The following MYT1L variants were observed in gnomAD, a reference collection of about 807,000 sequenced individuals.
MYT1L encodes the protein myelin transcription factor 1-like protein.
In MYT1L, 12 loss-of-function variants were observed where a neutral mutation model predicts 126.7. That is an observed-to-expected ratio of 0.09 (90% CI 0.06 to 0.15). MYT1L has a LOEUF of 0.15. Among genes scored for constraint, MYT1L ranks in the 10% least tolerant of loss-of-function variants. The pLI is 1.00. For missense variants in MYT1L, 979 were observed against 1,585.2 expected, an observed-to-expected ratio of 0.62 and a Z score of 6.49; for synonymous variants, 541 against 604.2, an observed-to-expected ratio of 0.90 and a Z score of 1.53.
At chr2:2,178,514 G>C (rs115226504) in intron 2 of MYT1L, among the ~76,000 whole-genome samples, 5,696 of 152,326 alleles carry the variant, frequency 0.037, 154 homozygotes, top group Middle Eastern at 0.1. Context: ...TGCCGTGTCA[G>C]AACACAGAAG....
At chr2:2,300,743 G>A (rs1403934863) in intron 1 of MYT1L, among the ~76,000 whole-genome samples, 8 of 152,262 alleles carry the variant, frequency 5.3e-5, no homozygotes, top group Admixed American at 2.6e-4. Flanking sequence ...GATTCTTAGC[G>A]GATTCATAGA....
chr2:2,087,788 A>G (rs2076500771), intron 3 of MYT1L, among the ~76,000 whole-genome samples: 2 of 152,236 alleles, frequency 1.3e-5, no homozygotes, highest in African/African-American at 4.8e-5. Context: ...GTCAAAAGAA[A>G]AAGGAAACAA....
intron 3 of MYT1L, among the ~76,000 whole-genome samples, chr2:2,170,850 G>T (rs2089943897): frequency 6.6e-6 from 1 of 152,204 alleles, no homozygotes; most frequent in South Asian, 2.1e-4. Flanking sequence ...TGACCTTTAT[G>T]CATTGTTACC....
intron 18 of MYT1L, among the ~76,000 whole-genome samples, chr2:1,856,903 CACAG>C (rs2043985311): frequency 6.6e-6 from 1 of 152,084 alleles, no homozygotes; most frequent in Non-Finnish European, 1.5e-5. Flanking sequence ...GAGCCCACAG[CACAG>C]ACATTCATTG....
intron 2 of MYT1L, among the ~76,000 whole-genome samples, chr2:2,283,162 C>T (rs142188891): frequency 1.3e-5 from 2 of 152,284 alleles, no homozygotes; most frequent in Non-Finnish European, 2.9e-5. Context: ...CACAGTTTGA[C>T]CCATGTTAAT....
chr2:1,896,442 C>T (rs775578285), intron 14 of MYT1L, among the ~76,000 whole-genome samples: 3 of 152,134 alleles, frequency 2.0e-5, no homozygotes, highest in Non-Finnish European at 4.4e-5. Flanking sequence ...CCTAGGCGCC[C>T]ATCAGTGGTG....
chr2:2,202,673 A>G (rs1215618505), intron 2 of MYT1L, among the ~76,000 whole-genome samples: 1 of 152,224 alleles, frequency 6.6e-6, no homozygotes, highest in Non-Finnish European at 1.5e-5. Flanking sequence ...ATGGATTCAC[A>G]GCCGAATTCT....
intron 8 of MYT1L, among the ~76,000 whole-genome samples, chr2:1,975,665 A>G (rs2060117264): frequency 1.3e-5 from 2 of 152,176 alleles, no homozygotes; most frequent in Non-Finnish European, 2.9e-5. Flanking sequence ...GGAGTTCGAG[A>G]GCACCCTGGC....
chr2:2,026,259 G>C (rs2065557046), intron 4 of MYT1L, among the ~76,000 whole-genome samples: 1 of 152,200 alleles, frequency 6.6e-6, no homozygotes, highest in Non-Finnish European at 1.5e-5. Flanking sequence ...TGTGTGACAA[G>C]GGTGTGCGGG....
At chr2:1,825,619 A>G (rs2039201175) in intron 21 of MYT1L, 1 of 152,208 alleles carries the variant, frequency 6.6e-6, no homozygotes, top group African/African-American at 2.4e-5. Context: ...CCGCTTTTAA[A>G]AGATCAGGTT....
intron 3 of MYT1L, among the ~76,000 whole-genome samples, chr2:2,058,394 G>A (rs1277159472): frequency 6.6e-6 from 1 of 152,196 alleles, no homozygotes; most frequent in African/African-American, 2.4e-5. Flanking sequence ...TCTTAACAGA[G>A]TGTTTTGTAG....
At position 2,165,900 on chromosome 2, in the gene MYT1L, T is replaced by C. The variant is rs531215969; in HGVS notation, c.-304+6972A>G. Reference sequence around the variant, plus strand: ...AATAAAATCTTTTATTTTTCTACTTTGTAAAAAAATAAAATCTTTTATTTT... The same window carrying C: ...AATAAAATCTTTTATTTTTCTACTTCGTAAAAAAATAAAATCTTTTATTTT... On this transcript the variant is annotated intron_variant, in intron 3 of 24. Transcript: ENST00000647738. Among the ~76,000 whole-genome samples, 162 of 151,404 alleles carry C rather than the reference T, an allele frequency of 1.1e-3. 2 individuals are homozygous for C. In the South Asian group the frequency reaches 0.03, roughly 28 times the overall value.
intron 9 of MYT1L, among the ~76,000 whole-genome samples, chr2:1,941,611 A>G (rs1171481178): frequency 6.6e-6 from 1 of 152,170 alleles, no homozygotes; most frequent in Admixed American, 6.6e-5. Context: ...TCTACCCAGC[A>G]TTCTACCATA....
intron 18 of MYT1L, among the ~76,000 whole-genome samples, chr2:1,860,272 G>A (rs2044417585): frequency 6.6e-6 from 1 of 152,144 alleles, no homozygotes; most frequent in Non-Finnish European, 1.5e-5. Flanking sequence ...GGCTGGGGCC[G>A]CCGGAGCCAG....
At chr2:1,988,165 T>C (rs563842013) in intron 5 of MYT1L, among the ~76,000 whole-genome samples, 5 of 151,992 alleles carry the variant, frequency 3.3e-5, no homozygotes, top group Admixed American at 6.5e-5. Context: ...ATTCCCACCC[T>C]CCCGCCAGCC....
chr2:1,997,973 C>T (rs773189249), intron 4 of MYT1L, among the ~76,000 whole-genome samples: 6 of 152,168 alleles, frequency 3.9e-5, no homozygotes, highest in Non-Finnish European at 7.3e-5. Flanking sequence ...GTGCTCAGAA[C>T]TCCCCAGTTA....
intron 1 of MYT1L, chr2:2,326,118 T>G (rs972114325): frequency 6.6e-6 from 1 of 152,282 alleles, no homozygotes; most frequent in East Asian, 1.9e-4. Flanking sequence ...CTGTCTGCCG[T>G]GGAGAGACCA....
In MYT1L at chr2:2,278,884, C is replaced by A. The variant is rs115476865; in HGVS notation, c.-421+5520G>T. Among the ~76,000 whole-genome samples the A allele has an allele frequency of 2.5e-3, 378 of 152,208 alleles. 1 individual carries two copies. Among genetic ancestry groups the A allele is most frequent in the African/African-American group, 8.7e-3 (361 of 41,508 alleles). ...ACATCACCTAAAGGAAAGATGAACACAACACAGGAACTTACCAAGAACAAA... is the reference window on the plus strand; with the variant it reads ...ACATCACCTAAAGGAAAGATGAACAAAACACAGGAACTTACCAAGAACAAA... On this transcript the variant is annotated intron_variant, in intron 2 of 24. Coordinates refer to ENST00000647738, the MANE Select transcript of MYT1L (RefSeq NM_001303052.2).
chr2:1,797,090 G>A (rs182797663), intron 23 of MYT1L, among the ~76,000 whole-genome samples: 67 of 152,274 alleles, frequency 4.4e-4, no homozygotes, highest in African/African-American at 1.5e-3. Flanking sequence ...AGGCTTGGGT[G>A]TGTCCAGCTT....
Sources: allele counts gnomAD v4.1 joint callset (sites outside exome capture counted in the v4.1 genomes callset), GRCh38; gene constraint gnomAD v4.1.1; transcripts MANE v1.5; gene names NCBI Gene and HGNC (gene_info 2026-07-23, HGNC 2026-07-21).